The following SAMD5 variants were observed in gnomAD, a reference collection of about 807,000 sequenced individuals.
SAMD5 encodes the protein sterile alpha motif domain-containing protein 5.
Under a neutral mutation model 11.3 loss-of-function variants are expected in SAMD5, and 13 were observed. The ratio of observed to expected loss-of-function variants is 1.15; its 90% CI spans 0.75 to 1.83. The LOEUF (loss-of-function observed/expected upper bound fraction) is 1.83, where lower values mean the gene tolerates loss of function less well. Among genes scored for constraint, SAMD5 ranks in the 40% most tolerant of loss-of-function variants. The pLI, the probability that SAMD5 is intolerant of heterozygous loss-of-function variation, is 0.00. For synonymous variants in SAMD5, 129 were observed against 111.3 expected (o/e 1.16, Z -1.00); for missense variants, 255 against 239.1 (o/e 1.07, Z -0.44).
At chr6:147,895,522 G>A in the SAMD5 span, among the ~76,000 whole-genome samples, 2 of 152,318 alleles carry the variant, frequency 1.3e-5, no homozygotes, top group African/African-American at 2.4e-5. Context: ...TGTCCAAGGC[G>A]AGGAGGTGAG....
At chr6:147,782,984 C>T in the SAMD5 span, among the ~76,000 whole-genome samples, 1 of 152,120 alleles carries the variant, frequency 6.6e-6, no homozygotes, top group Non-Finnish European at 1.5e-5. Flanking sequence ...GGAACTTAAT[C>T]ATATACTAAA....
At chr6:147,839,309 G>A in the SAMD5 span, among the ~76,000 whole-genome samples, 1 of 152,230 alleles carries the variant, frequency 6.6e-6, no homozygotes, top group African/African-American at 2.4e-5. Context: ...CCTCTGCAGA[G>A]TCCTGTTACT....
chr6:147,932,482 G>A, the SAMD5 span, among the ~76,000 whole-genome samples: 1 of 152,040 alleles, frequency 6.6e-6, no homozygotes, highest in Non-Finnish European at 1.5e-5. Flanking sequence ...CACTGTGAAT[G>A]GTAATACTTT....
the SAMD5 span, among the ~76,000 whole-genome samples, chr6:147,872,695 C>A: frequency 6.6e-6 from 1 of 152,150 alleles, no homozygotes; most frequent in Non-Finnish European, 1.5e-5. Flanking sequence ...TTGCCCACTT[C>A]ATGGTCCGTG....
At chr6:147,530,014 C>T (rs1788403015) in intron 1 of SAMD5, among the ~76,000 whole-genome samples, 1 of 152,198 alleles carries the variant, frequency 6.6e-6, no homozygotes, top group South Asian at 2.1e-4. Flanking sequence ...TGGGATTCTT[C>T]AGCACCTTTT....
At chr6:147,902,719 G>A in the SAMD5 span, among the ~76,000 whole-genome samples, 1 of 152,112 alleles carries the variant, frequency 6.6e-6, no homozygotes, top group South Asian at 2.1e-4. Flanking sequence ...GACCTTGTCC[G>A]CTGAGTTTCT....
chr6:147,788,253 T>C, the SAMD5 span, among the ~76,000 whole-genome samples: 5 of 152,344 alleles, frequency 3.3e-5, no homozygotes, highest in African/African-American at 2.4e-5. Flanking sequence ...ATTGCACGTA[T>C]AATTAAGGCT....
intron 1 of SAMD5, among the ~76,000 whole-genome samples, chr6:147,665,976 T>C (rs1253245801): frequency 6.6e-6 from 1 of 152,216 alleles, no homozygotes; most frequent in Non-Finnish European, 1.5e-5. Flanking sequence ...TCTCACTCTG[T>C]TGCCCCGGTT....
chr6:147,605,397 G>A (rs1789684578), intron 1 of SAMD5, among the ~76,000 whole-genome samples: 1 of 152,154 alleles, frequency 6.6e-6, no homozygotes, highest in South Asian at 2.1e-4. Context: ...TTATAAGTAT[G>A]AACCTCCATA....
the SAMD5 span, among the ~76,000 whole-genome samples, chr6:147,828,798 C>A: frequency 0.013 from 1,918 of 152,226 alleles, 33 homozygotes; most frequent in South Asian, 0.038. Flanking sequence ...CAGAGTTTGG[C>A]CACACCTGGG....
At chr6:147,830,982 G>A in the SAMD5 span, among the ~76,000 whole-genome samples, 24 of 152,174 alleles carry the variant, frequency 1.6e-4, no homozygotes, top group Admixed American at 5.9e-4. Context: ...ATTCAAGTAC[G>A]AAGTTACGTA....
rs148966877 is a variant in SAMD5 at position 147,542,211 on chromosome 6, C to T, written c.460-22183C>T. On this transcript the variant is annotated intron_variant, in intron 1 of 1. Transcript: ENST00000367474. ...CTGCCAGTAGAGAGAGTACCAGAGT[C>T]CCCAGTCCCCAGTCCCCAGAACTAG... 2.8e-3 allele frequency among the ~76,000 whole-genome samples: 428 copies of T among 152,318 alleles called. 1 individual carries two copies. The highest frequency in any genetic ancestry group is 0.017 in the Middle Eastern group (5 of 294).
chr6:147,567,343 A>G lies in SAMD5; in HGVS notation c.*2887A>G. ...ATTTATAGCATCTTGGTGTTATGCA[A>G]TAAACAATGACAACAACAAGCATTG... On this transcript the variant is annotated 3_prime_UTR_variant, in exon 2 of 2. Transcript: ENST00000367474. 1 of 985,240 alleles carries G rather than the reference A, an allele frequency of 1.0e-6. No homozygotes were observed. The highest frequency in any genetic ancestry group is 1.2e-6 in the Non-Finnish European group (1 of 829,738). 61.0% of individuals were successfully genotyped at this position (985,240 alleles called of 1,614,324 possible). A position where few individuals can be genotyped will look rare whatever the true frequency, so the allele number is the denominator to read the frequency against.
chr6:147,560,537 T>C lies in SAMD5; in HGVS notation c.460-3857T>C, dbSNP rs146896805. ...GTGTCAACTGGTTCTACAGCTGCAA[T>C]TGAGCTACATCCTTTAGAATAATGT... is the stretch of plus-strand genomic sequence containing the variant. On this transcript the variant is annotated intron_variant, in intron 1 of 1. Coordinates refer to ENST00000367474, the MANE Select transcript of SAMD5 (RefSeq NM_001030060.3). Among the ~76,000 whole-genome samples, 496 of 152,316 alleles carry C rather than the reference T, an allele frequency of 3.3e-3. 2 individuals carry two copies. Among genetic ancestry groups the C allele is most frequent in the African/African-American group, 0.011 (474 of 41,568 alleles).
intron 1 of SAMD5, among the ~76,000 whole-genome samples, chr6:147,691,054 G>A (rs993454340): frequency 7.9e-5 from 12 of 151,592 alleles, no homozygotes; most frequent in African/African-American, 2.9e-4. Flanking sequence ...GAGTGCAATG[G>A]CACAACCTTA....
chr6:147,834,987 G>A, the SAMD5 span, among the ~76,000 whole-genome samples: 1 of 152,268 alleles, frequency 6.6e-6, no homozygotes, highest in Admixed American at 6.5e-5. Flanking sequence ...CCAGCACTTT[G>A]GGAGGCCGAG....
chr6:147,567,791 C>G lies in SAMD5; in HGVS notation c.*3335C>G. 2 of 985,102 alleles carry G rather than the reference C, an allele frequency of 2.0e-6. No individual in the cohort carries two copies. Among genetic ancestry groups the G allele is most frequent in the Non-Finnish European group, 2.4e-6 (2 of 829,828 alleles). 61.0% of individuals were successfully genotyped at this position (985,102 alleles called of 1,614,324 possible). A position where few individuals can be genotyped will look rare whatever the true frequency, so the allele number is the denominator to read the frequency against. ...TGAATAAGTCCCCTTTGATTTCTCT[C>G]AGGAAGGATAAAAAAGGCTACAGTA... is the stretch of plus-strand genomic sequence containing the variant. On this transcript the variant is annotated 3_prime_UTR_variant, in exon 2 of 2. Coordinates refer to ENST00000367474, the MANE Select transcript of SAMD5 (RefSeq NM_001030060.3).
rs1208314898 is a variant in SAMD5, at chr6:147,579,628, T to G, written c.162+70241T>G. On this transcript the variant is annotated intron_variant, in intron 1 of 1. Coordinates refer to the SAMD5 transcript ENST00000566741. ...CTACAGGCATATGCCTGGTTAATTT[T>G]CATATTTATAGTAGAGACGGGTTCC... 5.9e-5 allele frequency among the ~76,000 whole-genome samples: 9 copies of G among 152,062 alleles called. 1 individual carries two copies. Among genetic ancestry groups the G allele is most frequent in the Admixed American group, 5.2e-4 (8 of 15,262 alleles).
At chr6:147,597,119 A>G (rs1789543628) in intron 1 of SAMD5, among the ~76,000 whole-genome samples, 1 of 152,176 alleles carries the variant, frequency 6.6e-6, no homozygotes, top group Admixed American at 6.5e-5. Context: ...TTTTAGAAGG[A>G]TATTTATCAT....
Sources: gnomAD v4.1 joint callset for allele counts (sites outside exome capture counted in the v4.1 genomes callset) on GRCh38, gnomAD v4.1.1 for gene constraint, MANE v1.5 for transcripts, NCBI Gene and HGNC (gene_info 2026-07-23, HGNC 2026-07-21) for gene names.